Variants in MMP26 observed in about 807,000 individuals in gnomAD.
MMP26 encodes matrix metalloproteinase-26.
Under a neutral mutation model 31.0 loss-of-function variants are expected in MMP26, and 33 were observed. That is an observed-to-expected ratio of 1.06 (90% CI 0.81 to 1.42). The LOEUF (loss-of-function observed/expected upper bound fraction) is 1.42, where lower values mean the gene tolerates loss of function less well. MMP26 is among the 40% of genes most tolerant of loss of function. The probability of loss-of-function intolerance (pLI) is 0.00; values close to 1 mark genes in which losing one functional copy is unlikely to be tolerated. For synonymous variants in MMP26, 122 were observed against 114.9 expected (o/e 1.06, Z -0.40); for missense variants, 347 against 316.1 (o/e 1.10, Z -0.74).
At chr11:4,983,169 C>T (rs1846839093) in intron 2 of MMP26, among the ~76,000 whole-genome samples, 1 of 152,136 alleles carries the variant, frequency 6.6e-6, no homozygotes, top group Non-Finnish European at 1.5e-5. Flanking sequence ...AAAATATACA[C>T]TTTCTATGAT....
At chr11:4,882,146 G>C (rs775640944) in intron 2 of MMP26, 97 of 1,613,798 alleles carry the variant, frequency 6.0e-5, no homozygotes, top group Non-Finnish European at 8.1e-5. Flanking sequence ...CCTTCCCACT[G>C]TGCTTGGTGT....
At chr11:4,907,637 A>T (rs759059999) in intron 2 of MMP26, 1 of 1,613,826 alleles carries the variant, frequency 6.2e-7, no homozygotes, top group Non-Finnish European at 8.5e-7. Context: ...GTTCAATGCC[A>T]TGGGAATTTC....
intron 2 of MMP26, among the ~76,000 whole-genome samples, chr11:4,985,219 GGAAA>G (rs1172774578): frequency 6.6e-6 from 1 of 151,994 alleles, no homozygotes; most frequent in Non-Finnish European, 1.5e-5. Context: ...TCATTTCCAT[GGAAA>G]GAGTTTTATA....
intron 2 of MMP26, among the ~76,000 whole-genome samples, chr11:4,805,157 T>C (rs74052342): frequency 0.016 from 2,379 of 152,144 alleles, 63 homozygotes; most frequent in African/African-American, 0.055. Flanking sequence ...TTTCTCAGAG[T>C]AGGAAGTCAG....
At chr11:4,763,610 TCAA>T (rs1848594349) in intron 1 of MMP26, among the ~76,000 whole-genome samples, 1 of 152,196 alleles carries the variant, frequency 6.6e-6, no homozygotes, top group Non-Finnish European at 1.5e-5. Context: ...TACATGCCCT[TCAA>T]CAGCATGCTG....
intron 2 of MMP26, among the ~76,000 whole-genome samples, chr11:4,928,193 C>T (rs1013849119): frequency 6.6e-6 from 1 of 152,024 alleles, no homozygotes; most frequent in Non-Finnish European, 1.5e-5. Context: ...TTTTTTTACA[C>T]AGATCCTAGT....
At chr11:4,813,610 A>G (rs1394265080) in intron 2 of MMP26, among the ~76,000 whole-genome samples, 3 of 150,984 alleles carry the variant, frequency 2.0e-5, no homozygotes, top group Non-Finnish European at 4.4e-5. Context: ...AGAAATCAGT[A>G]TGAAAAAAAC....
intron 1 of MMP26, among the ~76,000 whole-genome samples, chr11:4,725,421 T>C (rs1268788869): frequency 6.6e-6 from 1 of 152,232 alleles, no homozygotes; most frequent in South Asian, 2.1e-4. Flanking sequence ...CATACCCTAA[T>C]GGTGAGCTAG....
rs578187885 is a variant in MMP26 at position 4,754,626 on chromosome 11, A to G, written c.-216-12644A>G. Among the ~76,000 whole-genome samples, 6 of 152,056 alleles carry G rather than the reference A, an allele frequency of 3.9e-5. No individual in the cohort carries two copies. The South Asian group carries it at 1.2e-3, about 32-fold the overall frequency. ...AAGTTTATTCTCATTAAGCGTGCCC[A>G]TTTTTACACAAGTTTTATCATCTAA... On this transcript the variant is annotated intron_variant, in intron 1 of 7. Coordinates refer to ENST00000380390, the MANE Select transcript of MMP26 (RefSeq NM_021801.5).
chr11:4,962,223 C>T (rs1214822442), intron 2 of MMP26, among the ~76,000 whole-genome samples: 1 of 152,024 alleles, frequency 6.6e-6, no homozygotes, highest in Non-Finnish European at 1.5e-5. Flanking sequence ...CACATATAAG[C>T]AGATATCATT....
chr11:4,926,207 T>A (rs11034689), intron 2 of MMP26, among the ~76,000 whole-genome samples: 1 of 151,174 alleles, frequency 6.6e-6, no homozygotes, highest in African/African-American at 2.5e-5. Context: ...TCTTGTTTTA[T>A]GATTTCAAAT....
At chr11:4,770,526 G>A (rs938222959) in intron 2 of MMP26, among the ~76,000 whole-genome samples, 1 of 152,166 alleles carries the variant, frequency 6.6e-6, no homozygotes, top group Non-Finnish European at 1.5e-5. Context: ...ACTAAAGCAA[G>A]ATGAGACTGG....
At chr11:4,976,489 G>T (rs1375558507) in intron 2 of MMP26, among the ~76,000 whole-genome samples, 6 of 151,958 alleles carry the variant, frequency 3.9e-5, no homozygotes, top group Non-Finnish European at 7.4e-5. Context: ...GGATTTTCAG[G>T]TACTTACCAA....
At chr11:4,800,046 G>A (rs1849160817) in intron 2 of MMP26, among the ~76,000 whole-genome samples, 1 of 152,190 alleles carries the variant, frequency 6.6e-6, no homozygotes, top group African/African-American at 2.4e-5. Context: ...CAGGATGCAA[G>A]CTACTGTTGG....
intron 1 of MMP26, among the ~76,000 whole-genome samples, chr11:4,758,406 G>A (rs908459263): frequency 6.7e-6 from 1 of 149,006 alleles, no homozygotes; most frequent in Non-Finnish European, 1.5e-5. Context: ...CTTTTAAACC[G>A]GTATAAATAA....
intron 2 of MMP26, among the ~76,000 whole-genome samples, chr11:4,920,890 G>C (rs1395391380): frequency 6.6e-6 from 1 of 152,150 alleles, no homozygotes; most frequent in East Asian, 1.9e-4. Context: ...AGTGCTTCTA[G>C]TAGTAAATAA....
intron 2 of MMP26, among the ~76,000 whole-genome samples, chr11:4,833,362 GC>G (rs1162991412): frequency 6.6e-6 from 1 of 152,160 alleles, no homozygotes; most frequent in African/African-American, 2.4e-5. Context: ...CAAAACTCTT[GC>G]AAATCTTCTA....
At chr11:4,715,983 A>C (rs1429883296) in intron 1 of MMP26, among the ~76,000 whole-genome samples, 2 of 152,188 alleles carry the variant, frequency 1.3e-5, no homozygotes, top group Non-Finnish European at 2.9e-5. Context: ...TAAAAGAGAG[A>C]AGAATCTCGA....
intron 1 of MMP26, among the ~76,000 whole-genome samples, chr11:4,749,266 G>A (rs917561038): frequency 1.3e-5 from 2 of 151,806 alleles, no homozygotes; most frequent in African/African-American, 4.8e-5. Flanking sequence ...ACTACAAAAT[G>A]CTGAGGAAAA....
Sources: allele counts gnomAD v4.1 joint callset (sites outside exome capture counted in the v4.1 genomes callset), GRCh38; gene constraint gnomAD v4.1.1; transcripts MANE v1.5; gene names NCBI Gene and HGNC (gene_info 2026-07-23, HGNC 2026-07-21).